The following SGCD variants were observed in gnomAD, a reference collection of about 807,000 sequenced individuals.
The protein encoded by SGCD is delta-sarcoglycan.
Under a neutral mutation model 36.6 loss-of-function variants are expected in SGCD, and 18 were observed. That is an observed-to-expected ratio of 0.49 (90% CI 0.34 to 0.73). The LOEUF (loss-of-function observed/expected upper bound fraction) is 0.73, where lower values mean the gene tolerates loss of function less well. SGCD is among the 30% of genes least tolerant of loss of function. The pLI, the probability that SGCD is intolerant of heterozygous loss-of-function variation, is 0.01. For missense variants in SGCD, 387 were observed against 346.7 expected (o/e 1.12, Z -0.92); for synonymous variants, 133 against 130.6 (o/e 1.02, Z -0.12).
intron 3 of SGCD, among the ~76,000 whole-genome samples, chr5:156,292,677 T>A (rs896931545): frequency 6.6e-6 from 1 of 152,128 alleles, no homozygotes; most frequent in African/African-American, 2.4e-5. Flanking sequence ...TAAACCACCA[T>A]ACTATTTTCC....
At chr5:155,830,060 C>A in the SGCD span, among the ~76,000 whole-genome samples, 1 of 152,180 alleles carries the variant, frequency 6.6e-6, no homozygotes, top group Non-Finnish European at 1.5e-5. Context: ...CAGTAACTTG[C>A]CCCAAGTCAC....
the SGCD span, among the ~76,000 whole-genome samples, chr5:155,825,103 G>C: frequency 6.6e-6 from 1 of 152,082 alleles, no homozygotes; most frequent in Non-Finnish European, 1.5e-5. Context: ...GCTGATGTTA[G>C]AGTTTGATTC....
chr5:156,179,012 C>T (rs1175091843), intron 3 of SGCD, among the ~76,000 whole-genome samples: 2 of 152,166 alleles, frequency 1.3e-5, no homozygotes, highest in East Asian at 1.9e-4. Context: ...AGGTTTTAGG[C>T]TAATAAATGA....
intron 3 of SGCD, among the ~76,000 whole-genome samples, chr5:156,403,789 A>T (rs1315509635): frequency 6.6e-6 from 1 of 152,032 alleles, no homozygotes; most frequent in East Asian, 1.9e-4. Context: ...CTTTGAGAAG[A>T]TAGAAAAGAA....
chr5:156,484,489 G>A (rs2127842592), intron 3 of SGCD, among the ~76,000 whole-genome samples: 1 of 152,306 alleles, frequency 6.6e-6, no homozygotes, highest in Admixed American at 6.5e-5. Flanking sequence ...GCAATACTCT[G>A]TAAAAGACAT....
chr5:156,293,212 T>C (rs1766807193), intron 3 of SGCD, among the ~76,000 whole-genome samples: 1 of 152,084 alleles, frequency 6.6e-6, no homozygotes, highest in South Asian at 2.1e-4. Context: ...ACAGCTGAAA[T>C]TAGAGGGTGT....
At chr5:155,840,411 A>ATTTTTT in the SGCD span, among the ~76,000 whole-genome samples, 3 of 138,896 alleles carry the variant, frequency 2.2e-5, no homozygotes, top group Admixed American at 1.4e-4. Flanking sequence ...GCCCAGCTAA[A>ATTTTTT]TTTTTTTTTT....
chr5:156,608,680 AT>A (rs1222404444), intron 6 of SGCD, among the ~76,000 whole-genome samples: 8 of 152,088 alleles, frequency 5.3e-5, no homozygotes, highest in Admixed American at 3.9e-4. Flanking sequence ...TGGGATTCTA[AT>A]TCTCTTTGTA....
chr5:156,382,789 G>A (rs1771054494), intron 3 of SGCD, among the ~76,000 whole-genome samples: 1 of 152,138 alleles, frequency 6.6e-6, no homozygotes, highest in Non-Finnish European at 1.5e-5. Flanking sequence ...ATTTACATAA[G>A]AGACTTTATG....
At chr5:155,745,984 A>T in the SGCD span, among the ~76,000 whole-genome samples, 4 of 152,338 alleles carry the variant, frequency 2.6e-5, no homozygotes, top group South Asian at 8.3e-4. Context: ...GTGTGTACAC[A>T]CTGCAGATAT....
At chr5:156,254,437 A>G (rs1038008914) in intron 3 of SGCD, among the ~76,000 whole-genome samples, 1 of 152,098 alleles carries the variant, frequency 6.6e-6, no homozygotes, top group Non-Finnish European at 1.5e-5. Context: ...AGGCTAAGAA[A>G]CCTTTTGTTC....
At chr5:156,488,140 A>T (rs1445385147) in intron 3 of SGCD, among the ~76,000 whole-genome samples, 6 of 143,456 alleles carry the variant, frequency 4.2e-5, no homozygotes, top group African/African-American at 7.6e-5. Context: ...ACCCAGTTAG[A>T]CAAAAAATAA....
intron 1 of SGCD, among the ~76,000 whole-genome samples, chr5:155,901,295 A>C (rs1756384460): frequency 6.7e-6 from 1 of 150,316 alleles, no homozygotes; most frequent in South Asian, 2.1e-4. Flanking sequence ...CTGGGCAACA[A>C]GAGCGAAACT....
At chr5:156,702,690 CTT>C (rs1473714912) in intron 7 of SGCD, among the ~76,000 whole-genome samples, 1 of 152,020 alleles carries the variant, frequency 6.6e-6, no homozygotes, top group East Asian at 1.9e-4. Context: ...TAAAATGAGA[CTT>C]TAATATTTTA....
chr5:156,337,662 C>T (rs1278327963), intron 2 of SGCD, among the ~76,000 whole-genome samples: 5 of 152,136 alleles, frequency 3.3e-5, no homozygotes, highest in African/African-American at 1.2e-4. Flanking sequence ...CTTCGTTCTT[C>T]CTAGCACCTA....
At chr5:156,366,123 C>T (rs367882521) in intron 3 of SGCD, among the ~76,000 whole-genome samples, 1 of 152,212 alleles carries the variant, frequency 6.6e-6, no homozygotes, top group African/African-American at 2.4e-5. Context: ...TCAGTCAGTG[C>T]CCCCATGGGT....
chr5:156,071,745 A>C (rs561096553), intron 1 of SGCD, among the ~76,000 whole-genome samples: 6 of 152,268 alleles, frequency 3.9e-5, no homozygotes, highest in Admixed American at 3.9e-4. Flanking sequence ...AAAGTCTCCC[A>C]TTATTATTGT....
intron 3 of SGCD, among the ~76,000 whole-genome samples, chr5:156,186,712 C>G (rs1763770523): frequency 6.6e-6 from 1 of 152,218 alleles, no homozygotes; most frequent in African/African-American, 2.4e-5. Flanking sequence ...TGTCTCCAAG[C>G]TAATCTGAAC....
chr5:156,568,981 C>T (rs1175660972), intron 4 of SGCD, among the ~76,000 whole-genome samples: 1 of 152,086 alleles, frequency 6.6e-6, no homozygotes, highest in African/African-American at 2.4e-5. Context: ...CAGTAGTCAC[C>T]ATCTTGGTTT....
Sources: gnomAD v4.1 joint callset for allele counts (sites outside exome capture counted in the v4.1 genomes callset) on GRCh38, gnomAD v4.1.1 for gene constraint, MANE v1.5 for transcripts, NCBI Gene and HGNC (gene_info 2026-07-23, HGNC 2026-07-21) for gene names.